IMMP2L: variants seen among roughly 807,000 people sequenced by gnomAD.
IMMP2L encodes mitochondrial inner membrane protease subunit 2.
In IMMP2L, 18 loss-of-function variants were observed where a neutral mutation model predicts 19.3. That is an observed-to-expected ratio of 0.93 (90% CI 0.64 to 1.38). IMMP2L has a LOEUF of 1.38. Among genes scored for constraint, IMMP2L ranks in the 40% most tolerant of loss-of-function variants. The pLI is 0.00. For missense variants in IMMP2L, 233 were observed against 218.2 expected (o/e 1.07, Z -0.43); for synonymous variants, 76 against 73.0 (o/e 1.04, Z -0.21).
intron 3 of IMMP2L, among the ~76,000 whole-genome samples, chr7:111,343,433 A>G (rs1827223586): frequency 6.6e-6 from 1 of 151,970 alleles, no homozygotes; most frequent in South Asian, 2.1e-4. Context: ...TGCCTACCAC[A>G]CTATATCCTG....
At chr7:111,039,296 G>A (rs1314640954) in intron 3 of IMMP2L, among the ~76,000 whole-genome samples, 3 of 152,146 alleles carry the variant, frequency 2.0e-5, no homozygotes, top group South Asian at 4.1e-4. Context: ...GACAACTGGC[G>A]TAAAAAATAT....
At chr7:111,217,159 C>A (rs1453509782) in intron 3 of IMMP2L, among the ~76,000 whole-genome samples, 1 of 149,730 alleles carries the variant, frequency 6.7e-6, no homozygotes, top group Non-Finnish European at 1.5e-5. Flanking sequence ...CACACACACA[C>A]AATATGCAGT....
chr7:111,030,411 C>G (rs997054884), intron 3 of IMMP2L, among the ~76,000 whole-genome samples: 2 of 152,002 alleles, frequency 1.3e-5, no homozygotes, highest in Admixed American at 1.3e-4. Context: ...TAATGAATGC[C>G]AACAGATGAT....
At chr7:111,126,167 C>A (rs1056191234) in intron 3 of IMMP2L, among the ~76,000 whole-genome samples, 1 of 152,060 alleles carries the variant, frequency 6.6e-6, no homozygotes, top group Non-Finnish European at 1.5e-5. Flanking sequence ...TTCATTATGA[C>A]TTATGCTCTA....
At chr7:110,908,378 T>A (rs1188061661) in intron 4 of IMMP2L, among the ~76,000 whole-genome samples, 2 of 152,318 alleles carry the variant, frequency 1.3e-5, no homozygotes, top group East Asian at 1.9e-4. Context: ...ACTTGCCGGA[T>A]AACTGATTTA....
rs1335532075 is a variant in IMMP2L at position 110,986,501 on chromosome 7, C to T, written c.240-22936G>A. On this transcript the variant is annotated intron_variant, in intron 3 of 5. Transcript: ENST00000405709. Reference sequence around the variant, plus strand: ...AGGAGTCTATCTCTACTGTATCAAACAGGACAGGTTGTGGGGAAAATAATC... The same window carrying T: ...AGGAGTCTATCTCTACTGTATCAAATAGGACAGGTTGTGGGGAAAATAATC... Among the ~76,000 whole-genome samples the T allele has an allele frequency of 2.0e-5, 3 of 152,142 alleles. No individual in the cohort carries two copies. In the East Asian group the frequency reaches 5.8e-4, roughly 29 times the overall value.
chr7:111,028,771 T>C (rs1271656917), intron 3 of IMMP2L, among the ~76,000 whole-genome samples: 1 of 152,156 alleles, frequency 6.6e-6, no homozygotes, highest in Non-Finnish European at 1.5e-5. Flanking sequence ...TCACACTATG[T>C]TGCTAAAGAA....
At chr7:111,007,927 T>A (rs191657793) in intron 3 of IMMP2L, among the ~76,000 whole-genome samples, 10 of 152,180 alleles carry the variant, frequency 6.6e-5, no homozygotes, top group South Asian at 4.1e-4. Context: ...TAATAGTATC[T>A]CCATCCTTCC....
Position 110,665,406 on chromosome 7 carries a change from C to T in IMMP2L, c.409-1685G>A, listed in dbSNP as rs554496071. The stretch of plus-strand genomic sequence containing the variant: ...GAATGAAGACCGTTTCATATATGAA[C>T]ATGATACCATTATTATACACAAGAT... On this transcript the variant is annotated intron_variant, in intron 5 of 5. Transcript: ENST00000405709. Among the ~76,000 whole-genome samples the T allele has an allele frequency of 9.9e-5, 15 of 152,282 alleles. No homozygotes were observed. In the South Asian group the frequency reaches 3.1e-3, roughly 32 times the overall value.
chr7:110,742,066 G>A (rs980199377), intron 5 of IMMP2L, among the ~76,000 whole-genome samples: 3 of 152,148 alleles, frequency 2.0e-5, no homozygotes, highest in African/African-American at 4.8e-5. Context: ...AAGGCTAGAC[G>A]CTTAACGTAG....
chr7:111,032,132 G>A (rs1368794711), intron 3 of IMMP2L, among the ~76,000 whole-genome samples: 4 of 152,004 alleles, frequency 2.6e-5, no homozygotes, highest in Non-Finnish European at 4.4e-5. Context: ...GTAGAGACAA[G>A]GTTTCGCTAT....
intron 3 of IMMP2L, among the ~76,000 whole-genome samples, chr7:111,138,665 C>T (rs570190179): frequency 6.6e-5 from 10 of 151,934 alleles, no homozygotes; most frequent in African/African-American, 2.2e-4. Flanking sequence ...TACAAGAAAA[C>T]AGAAAGCTAG....
At chr7:111,278,235 T>C (rs1268321266) in intron 3 of IMMP2L, among the ~76,000 whole-genome samples, 1 of 152,172 alleles carries the variant, frequency 6.6e-6, no homozygotes, top group Admixed American at 6.6e-5. Context: ...ACAAATAATT[T>C]CTTTGAAAAG....
At chr7:110,683,341 C>T (rs1038474779) in intron 5 of IMMP2L, among the ~76,000 whole-genome samples, 6 of 151,996 alleles carry the variant, frequency 3.9e-5, no homozygotes, top group Admixed American at 1.3e-4. Context: ...AAATGCAATA[C>T]TTTATATAAT....
At chr7:110,862,295 C>T (rs1378315181) in intron 5 of IMMP2L, among the ~76,000 whole-genome samples, 1 of 151,262 alleles carries the variant, frequency 6.6e-6, no homozygotes, top group Non-Finnish European at 1.5e-5. Context: ...AGTGGGGATC[C>T]AGAATGTCTT....
intron 3 of IMMP2L, among the ~76,000 whole-genome samples, chr7:111,395,285 C>G (rs905664057): frequency 2.0e-5 from 3 of 152,168 alleles, no homozygotes; most frequent in Non-Finnish European, 2.9e-5. Flanking sequence ...TTCCACATCA[C>G]TCTTCTACCC....
At chr7:111,254,413 T>A (rs1429886203) in intron 3 of IMMP2L, among the ~76,000 whole-genome samples, 1 of 152,078 alleles carries the variant, frequency 6.6e-6, no homozygotes, top group Non-Finnish European at 1.5e-5. Flanking sequence ...TGTTTTCACC[T>A]ATCAATCTCT....
intron 5 of IMMP2L, among the ~76,000 whole-genome samples, chr7:110,670,360 G>A (rs2130323723): frequency 6.6e-6 from 1 of 152,238 alleles, no homozygotes; most frequent in East Asian, 1.9e-4. Context: ...ATTTTGTTAT[G>A]AGAGTCCTAG....
At chr7:111,099,328 T>C (rs1170103063) in intron 3 of IMMP2L, among the ~76,000 whole-genome samples, 1 of 151,692 alleles carries the variant, frequency 6.6e-6, no homozygotes, top group African/African-American at 2.4e-5. Flanking sequence ...GAAAATAGTC[T>C]GAATACAATT....
Sources: gnomAD v4.1 joint callset for allele counts (sites outside exome capture counted in the v4.1 genomes callset) on GRCh38, gnomAD v4.1.1 for gene constraint, MANE v1.5 for transcripts, NCBI Gene and HGNC (gene_info 2026-07-23, HGNC 2026-07-21) for gene names.